ANKRD11: variants seen among roughly 807,000 people sequenced by gnomAD.
The protein encoded by ANKRD11 is ankyrin repeat domain-containing protein 11.
In ANKRD11, 17 loss-of-function variants were observed where a neutral mutation model predicts 195.7. The ratio of observed to expected loss-of-function variants is 0.09; its 90% CI spans 0.06 to 0.13. The LOEUF (loss-of-function observed/expected upper bound fraction) is 0.13, where lower values mean the gene tolerates loss of function less well. ANKRD11 is among the 10% of genes least tolerant of loss of function. The pLI is 1.00. For missense variants in ANKRD11, 3,735 were observed against 3,566.1 expected, an observed-to-expected ratio of 1.05 and a Z score of -1.21; for synonymous variants, 1,953 against 1,528.1, an observed-to-expected ratio of 1.28 and a Z score of -6.49.
intron 2 of ANKRD11, among the ~76,000 whole-genome samples, chr16:89,333,407 G>A (rs939297212): frequency 1.3e-5 from 2 of 152,108 alleles, no homozygotes; most frequent in African/African-American, 4.8e-5. Flanking sequence ...AGGGTCCACC[G>A]GGTGCTGTGC....
intron 1 of ANKRD11, among the ~76,000 whole-genome samples, chr16:89,485,866 C>G (rs2057595230): frequency 6.6e-6 from 1 of 152,186 alleles, no homozygotes; most frequent in Non-Finnish European, 1.5e-5. Flanking sequence ...AAACGAGACA[C>G]TTAATCCTCA....
At chr16:89,451,947 TTTA>T (rs2044094739) in intron 1 of ANKRD11, among the ~76,000 whole-genome samples, 1 of 152,138 alleles carries the variant, frequency 6.6e-6, no homozygotes, top group African/African-American at 2.4e-5. Flanking sequence ...ACGTTCAAAA[TTTA>T]ACCTCTGGTA....
rs1013514926 is a variant in ANKRD11 at position 89,282,329 on chromosome 16, A to C, written c.4213T>G (p.Ser1405Ala). The C allele has an allele frequency of 6.2e-7, 1 of 1,614,212 alleles. No individual in the cohort carries two copies. Residue 1405 changes from serine (S) to alanine (A), a missense_variant, in exon 9 of 13, where the codon TCT becomes GCT. By Grantham distance (99) the Ser-to-Ala change is moderately conservative. Transcript: ENST00000301030. ...DFLEADAYGV[S>A]YNMKADIEDE... is the part of the protein sequence containing the mutation. ...TCTATGTCAGCTTTCATGTTGTAAGAAACTCCGTAAGCATCCGCCTCCAGG... is the reference window on the plus strand; with the variant it reads ...TCTATGTCAGCTTTCATGTTGTAAGCAACTCCGTAAGCATCCGCCTCCAGG...
At chr16:89,415,542 G>T (rs901068518) in intron 2 of ANKRD11, among the ~76,000 whole-genome samples, 1 of 151,786 alleles carries the variant, frequency 6.6e-6, no homozygotes, top group African/African-American at 2.4e-5. Context: ...GGGATTACAG[G>T]TGTGAGCCAC....
intron 2 of ANKRD11, among the ~76,000 whole-genome samples, chr16:89,321,793 G>T (rs2037344392): frequency 6.6e-6 from 1 of 152,156 alleles, no homozygotes; most frequent in Admixed American, 6.6e-5. Flanking sequence ...CTGGGTCTGG[G>T]TTTGCACTGC....
In ANKRD11 at chr16:89,384,168, C is replaced by T. The variant is rs190576351; in HGVS notation, c.-60+34116G>A. On this transcript the variant is annotated intron_variant, in intron 2 of 12. Transcript: ENST00000301030. ...CCCAGAAGGTGGAGGTTGCAGTGAG[C>T]TGAGATGTGCTCCTGCACTCCAGCC... Among the ~76,000 whole-genome samples, 708 of 152,300 alleles carry T rather than the reference C, an allele frequency of 4.6e-3. 4 individuals carry two copies. Among genetic ancestry groups the T allele is most frequent in the African/African-American group, 0.016 (674 of 41,556 alleles).
chr16:89,330,651 A>C (rs1219554561), intron 2 of ANKRD11, among the ~76,000 whole-genome samples: 1 of 15,276 alleles, frequency 6.5e-5, no homozygotes, highest in Non-Finnish European at 1.2e-4. Context: ...TCCCCAGTAC[A>C]GTGACTGGGG....
At chr16:89,365,758 G>A (rs936038479) in intron 2 of ANKRD11, among the ~76,000 whole-genome samples, 3 of 152,026 alleles carry the variant, frequency 2.0e-5, no homozygotes, top group Admixed American at 6.6e-5. Flanking sequence ...GGTTTGTTAC[G>A]TAGGTAAACT....
intron 2 of ANKRD11, among the ~76,000 whole-genome samples, chr16:89,404,900 C>T (rs964718531): frequency 7.2e-5 from 11 of 152,234 alleles, no homozygotes; most frequent in African/African-American, 2.7e-4. Flanking sequence ...GATGTTCTTT[C>T]CTTTACAGTA....
At chr16:89,272,012 G>A (rs4290474) in intron 11 of ANKRD11, 1 of 151,812 alleles carries the variant, frequency 6.6e-6, no homozygotes, top group Non-Finnish European at 1.5e-5. Flanking sequence ...AGATTCTCAA[G>A]CAGAACATAG....
chr16:89,393,116 A>G (rs1479716127), intron 2 of ANKRD11, among the ~76,000 whole-genome samples: 3 of 151,970 alleles, frequency 2.0e-5, no homozygotes, highest in Admixed American at 2.0e-4. Flanking sequence ...CTTCACCTGC[A>G]TACCTTCTCT....
At chr16:89,294,370 A>C (rs2035272530) in intron 4 of ANKRD11, among the ~76,000 whole-genome samples, 2 of 152,154 alleles carry the variant, frequency 1.3e-5, no homozygotes, top group African/African-American at 4.8e-5. Context: ...GTCCTGAAAC[A>C]GGACTTTTTA....
intron 1 of ANKRD11, among the ~76,000 whole-genome samples, chr16:89,462,518 G>A (rs1321951421): frequency 6.6e-6 from 1 of 151,882 alleles, no homozygotes; most frequent in Non-Finnish European, 1.5e-5. Context: ...GAGCGTCTCT[G>A]CCTGGCCGCC....
chr16:89,390,961 G>A (rs2041165422), intron 2 of ANKRD11, among the ~76,000 whole-genome samples: 1 of 152,186 alleles, frequency 6.6e-6, no homozygotes, highest in African/African-American at 2.4e-5. Flanking sequence ...GGGCGCCATG[G>A]CTCACGCCTG....
At position 89,285,138 on chromosome 16, in the gene ANKRD11, G is replaced by T. The variant is rs1455456483; in HGVS notation, c.1404C>A (p.Arg468=). ...AGAACTTGTCGCTCCGCTTTCCGAA[G>T]CGAACCTCTCTGCCTTTTGTTTCTT... ...RKKETKGREV[R]FGKRSDKFCS... The change falls in exon 9 of 13, where the codon CGC becomes CGA. Residue 468 remains arginine, a synonymous_variant. Coordinates refer to ENST00000301030, the MANE Select transcript of ANKRD11 (RefSeq NM_013275.6). The surrounding 1 kb of genome is among the most constrained non-coding windows in gnomAD (Gnocchi z 5.6). 1 of 1,613,582 alleles carries T rather than the reference G, an allele frequency of 6.2e-7. No homozygotes were observed. The highest frequency in any genetic ancestry group is 1.1e-5 in the South Asian group (1 of 91,088).
At chr16:89,290,249 GGGT>G (rs1183199373) in intron 6 of ANKRD11, among the ~76,000 whole-genome samples, 4 of 25,138 alleles carry the variant, frequency 1.6e-4, no homozygotes, top group African/African-American at 4.4e-4. Flanking sequence ...CTCCAGCGGG[GGGT>G]AGGCTCAGGG....
At chr16:89,481,368 C>T (rs1450007536) in intron 1 of ANKRD11, among the ~76,000 whole-genome samples, 1 of 152,116 alleles carries the variant, frequency 6.6e-6, no homozygotes, top group African/African-American at 2.4e-5. Flanking sequence ...AGGAGTTCAA[C>T]ATCAGCCTAA....
chr16:89,278,570 G>C (rs1196379753), intron 9 of ANKRD11: 1 of 457,218 alleles, frequency 2.2e-6, no homozygotes, highest in African/African-American at 2.0e-5. Flanking sequence ...CGAGGACCAA[G>C]CTGCCCCAAG....
In ANKRD11 at chr16:89,430,370, T is replaced by A. The variant is rs867214987; in HGVS notation, c.-144-12002A>T. On this transcript the variant is annotated intron_variant, in intron 1 of 12. Transcript: ENST00000301030. ...AGGGACTCTCAACTCTCACGCTCAG[T>A]CGTTCTAGTACACAGCAGGGACTCT... Among the ~76,000 whole-genome samples the A allele has an allele frequency of 2.2e-3, 238 of 107,674 alleles. 1 individual carries two copies. Among genetic ancestry groups the A allele is most frequent in the South Asian group, 3.6e-3 (11 of 3,090 alleles). The allele number at this position is 107,674 out of a possible 152,430, so 70.6% of individuals were successfully genotyped here. A position where few individuals can be genotyped will look rare whatever the true frequency, so the allele number is the denominator to read the frequency against.
Sources: gnomAD v4.1 joint callset for allele counts (sites outside exome capture counted in the v4.1 genomes callset) on GRCh38, gnomAD v4.1.1 for gene constraint, Gnocchi (gnomAD v3.1) non-coding constraint, MANE v1.5 for transcripts, NCBI Gene and HGNC (gene_info 2026-07-23, HGNC 2026-07-21) for gene names.